The following UBE2W variants were observed in gnomAD, a reference collection of about 807,000 sequenced individuals.
UBE2W encodes the protein ubiquitin-conjugating enzyme E2 W.
In UBE2W, 18 loss-of-function variants were observed where a neutral mutation model predicts 27.2. That is an observed-to-expected ratio of 0.66 (90% CI 0.46 to 0.98). UBE2W has a LOEUF of 0.98. Among genes scored for constraint, UBE2W ranks in the 50% least tolerant of loss-of-function variants. The pLI is 0.00. For synonymous variants in UBE2W, 53 were observed against 57.2 expected (o/e 0.93, Z 0.33); for missense variants, 90 against 180.2 (o/e 0.50, Z 2.87).
At chr8:73,872,652 T>C (rs901625227) in intron 1 of UBE2W, among the ~76,000 whole-genome samples, 1 of 152,240 alleles carries the variant, frequency 6.6e-6, no homozygotes, top group Non-Finnish European at 1.5e-5. Flanking sequence ...GTGTAAGTAA[T>C]GAACACAGTT....
intron 5 of UBE2W, chr8:73,796,723 T>C: frequency 1.1e-6 from 1 of 888,720 alleles, no homozygotes; most frequent in Non-Finnish European, 1.3e-6. Flanking sequence ...AAGCAAACTT[T>C]AAGTATAGAT....
At chr8:73,796,670 G>T in intron 5 of UBE2W, 1 of 984,818 alleles carries the variant, frequency 1.0e-6, no homozygotes, top group Non-Finnish European at 1.2e-6. Flanking sequence ...AGGGACTTGC[G>T]GGACTACGAA....
At chr8:73,784,932 C>T (rs1807909460), downstream of UBE2W, among the ~76,000 whole-genome samples, 1 of 152,160 alleles carries the variant, frequency 6.6e-6, no homozygotes, top group South Asian at 2.1e-4. Flanking sequence ...GGGCTCATCT[C>T]TCAGCTAATG....
At chr8:73,781,972 C>T (rs185323083), downstream of UBE2W, among the ~76,000 whole-genome samples, 1,147 of 131,216 alleles carry the variant, frequency 8.7e-3, 13 homozygotes, top group South Asian at 0.043. Context: ...GACAGAGTCT[C>T]GCTCTGTCAC....
intron 3 of UBE2W, among the ~76,000 whole-genome samples, chr8:73,812,820 T>C (rs577576367): frequency 6.6e-6 from 1 of 151,952 alleles, no homozygotes; most frequent in East Asian, 1.9e-4. Context: ...CTGGCCAACA[T>C]GGCGAAAACC....
In UBE2W at chr8:73,787,547, G is replaced by A. The variant is rs1162257337; in HGVS notation, c.*6555C>T. The A allele has an allele frequency of 2.0e-6, 2 of 985,398 alleles. No individual in the cohort carries two copies. The highest frequency in any genetic ancestry group is 5.2e-4 in the Middle Eastern group (1 of 1,916). 61.0% of individuals were successfully genotyped at this position (985,398 alleles called of 1,614,324 possible). On this transcript the variant is annotated 3_prime_UTR_variant, in exon 6 of 6. Coordinates refer to ENST00000602593, the MANE Select transcript of UBE2W (RefSeq NM_018299.6). ...GACATGATCGTTTTTATGGCAGAATGGCTGCCTCAATGAGGACTAAGGTGC... is the reference window on the plus strand; with the variant it reads ...GACATGATCGTTTTTATGGCAGAATAGCTGCCTCAATGAGGACTAAGGTGC...
At chr8:73,810,816 C>T (rs570124744) in intron 3 of UBE2W, among the ~76,000 whole-genome samples, 187 bp from the exon 4 acceptor site, 3 of 152,174 alleles carry the variant, frequency 2.0e-5, no homozygotes, top group African/African-American at 7.2e-5. Flanking sequence ...TTTCACTGAA[C>T]GAATAACCAC....
At chr8:73,861,869 G>C (rs2130972698) in intron 1 of UBE2W, among the ~76,000 whole-genome samples, 1 of 152,308 alleles carries the variant, frequency 6.6e-6, no homozygotes, top group Admixed American at 6.5e-5. Context: ...TACTAAAGCT[G>C]ATAGGACAGT....
At chr8:73,854,605 C>T (rs1015381494) in intron 1 of UBE2W, among the ~76,000 whole-genome samples, 12 of 152,296 alleles carry the variant, frequency 7.9e-5, no homozygotes, top group African/African-American at 2.9e-4. Flanking sequence ...TTCTAATAAA[C>T]TCATCTCAGA....
intron 1 of UBE2W, among the ~76,000 whole-genome samples, chr8:73,862,210 A>T (rs1445438636): frequency 6.6e-6 from 1 of 152,198 alleles, no homozygotes; most frequent in African/African-American, 2.4e-5. Context: ...CGGGCAGATC[A>T]TGTGAGGTCA....
chr8:73,792,241 T>G lies in UBE2W; in HGVS notation c.*1861A>C. 1 of 985,736 alleles carries G rather than the reference T, an allele frequency of 1.0e-6. No homozygotes were observed. The highest frequency in any genetic ancestry group is 1.2e-6 in the Non-Finnish European group (1 of 829,810). The allele number at this position is 985,736 out of a possible 1,614,324, so 61.1% of individuals were successfully genotyped here. ...AACTGACAGAGATCATTGTGAGAATTTATCTAGTCAAGATAGAACAAAAAC... is the reference window on the plus strand; with the variant it reads ...AACTGACAGAGATCATTGTGAGAATGTATCTAGTCAAGATAGAACAAAAAC... On this transcript the variant is annotated 3_prime_UTR_variant, in exon 6 of 6. Coordinates refer to ENST00000602593, the MANE Select transcript of UBE2W (RefSeq NM_018299.6).
Position 73,831,377 on chromosome 8 carries a change from G to C in UBE2W, c.16-905C>G, listed in dbSNP as rs556941438. ...CTACATGACCTTTCTTTCCAGTAAG[G>C]CCTCGCCACAAGTCAAAAAGAATAT... On this transcript the variant is annotated intron_variant, in intron 1 of 5. Coordinates refer to ENST00000602593, the MANE Select transcript of UBE2W (RefSeq NM_018299.6). 349 of 170,668 alleles carry C rather than the reference G, an allele frequency of 2.0e-3. 1 individual carries two copies. Among genetic ancestry groups the C allele is most frequent in the Non-Finnish European group, 3.2e-3 (252 of 79,408 alleles). The allele number at this position is 170,668 out of a possible 1,614,324, so 10.6% of individuals were successfully genotyped here.
At chr8:73,857,213 C>T (rs1023495961) in intron 1 of UBE2W, among the ~76,000 whole-genome samples, 14 of 152,026 alleles carry the variant, frequency 9.2e-5, no homozygotes, top group Non-Finnish European at 1.9e-4. Flanking sequence ...TAGGTGGAAA[C>T]TTGTATATGC....
In UBE2W at chr8:73,787,193, C is replaced by T; in HGVS notation, c.*6909G>A. Reference sequence around the variant, plus strand: ...AAAAATGGTTGAAAGGGGCTCCCAACAGGACAGATAACCACAGTGGCTTTG... The same window carrying T: ...AAAAATGGTTGAAAGGGGCTCCCAATAGGACAGATAACCACAGTGGCTTTG... On this transcript the variant is annotated 3_prime_UTR_variant, in exon 6 of 6. Transcript: ENST00000602593. 4.1e-6 allele frequency: 4 copies of T among 985,424 alleles called. No individual in the cohort carries two copies. Among genetic ancestry groups the T allele is most frequent in the Non-Finnish European group, 4.8e-6 (4 of 829,928 alleles). The allele number at this position is 985,424 out of a possible 1,614,324, so 61.0% of individuals were successfully genotyped here. A position where few individuals can be genotyped will look rare whatever the true frequency, so the allele number is the denominator to read the frequency against.
At chr8:73,811,795 G>A (rs1284061800) in intron 3 of UBE2W, among the ~76,000 whole-genome samples, 1 of 152,032 alleles carries the variant, frequency 6.6e-6, no homozygotes, top group African/African-American at 2.4e-5. Context: ...TTAAGTTATA[G>A]CAGAAACTGA....
At chr8:73,809,810 C>T (rs936930728) in intron 4 of UBE2W, among the ~76,000 whole-genome samples, 1 of 152,044 alleles carries the variant, frequency 6.6e-6, no homozygotes, top group African/African-American at 2.4e-5. Flanking sequence ...AACTCCTGAC[C>T]GCAGGTGATT....
chr8:73,795,884 C>A, intron 5 of UBE2W: 1 of 503,136 alleles, frequency 2.0e-6, no homozygotes, highest in Non-Finnish European at 2.6e-6. Flanking sequence ...GAGTTCAAGA[C>A]CAGCCTAGGC....
At chr8:73,858,493 A>G (rs1322888463) in intron 1 of UBE2W, among the ~76,000 whole-genome samples, 1 of 152,044 alleles carries the variant, frequency 6.6e-6, no homozygotes, top group Non-Finnish European at 1.5e-5. Context: ...CCAATTCAAG[A>G]AATTATCAGT....
intron 1 of UBE2W, among the ~76,000 whole-genome samples, chr8:73,866,286 AAAAAATATATATAT>A (rs1202015348): frequency 2.7e-4 from 24 of 89,770 alleles, no homozygotes; most frequent in African/African-American, 1.1e-3. Context: ...AAAAAAAAAA[AAAAAATATATATAT>A]ATATATATAT....
Sources: gnomAD v4.1 joint callset for allele counts (sites outside exome capture counted in the v4.1 genomes callset) on GRCh38, gnomAD v4.1.1 for gene constraint, MANE v1.5 for transcripts, NCBI Gene and HGNC (gene_info 2026-07-23, HGNC 2026-07-21) for gene names.